Variants in PGM1 observed in about 807,000 individuals in gnomAD.
PGM1 encodes the protein phosphoglucomutase-1.
A neutral mutation model predicts 55.6 loss-of-function variants in PGM1; 52 were observed. That is an observed-to-expected ratio of 0.94 (90% CI 0.75 to 1.18). The LOEUF (loss-of-function observed/expected upper bound fraction) is 1.18. Among genes scored for constraint, PGM1 ranks in the 50% most tolerant of loss-of-function variants. The probability of loss-of-function intolerance (pLI) is 0.00; values close to 1 mark genes in which losing one functional copy is unlikely to be tolerated. For missense variants in PGM1, 724 were observed against 729.3 expected (o/e 0.99, Z 0.08); for synonymous variants, 287 against 271.7 (o/e 1.06, Z -0.55).
rs201354576 is a variant in PGM1 at position 63,593,668 on chromosome 1, C to G, written c.180C>G (p.Gly60=). Residue 60 remains glycine, a synonymous_variant, in exon 1 of 11, where the codon GGC becomes GGG. Coordinates refer to ENST00000371084, the MANE Select transcript of PGM1 (RefSeq NM_002633.3). Reference sequence around the variant, plus strand: ...GGCAGGAGGCCACGCTGGTGGTGGGCGGGGACGGCCGGTTCTACATGAAGG... The same window carrying G: ...GGCAGGAGGCCACGCTGGTGGTGGGGGGGGACGGCCGGTTCTACATGAAGG... ...AQRQEATLVV[G]GDGRFYMKEA... The G allele has an allele frequency of 6.2e-7, 1 of 1,605,932 alleles. No individual in the cohort carries two copies. Among genetic ancestry groups the G allele is most frequent in the East Asian group, 2.2e-5 (1 of 44,510 alleles).
chr1:63,633,755 C>T (rs1317479545), intron 4 of PGM1, among the ~76,000 whole-genome samples: 1 of 150,658 alleles, frequency 6.6e-6, no homozygotes, highest in Non-Finnish European at 1.5e-5. Flanking sequence ...GTAACCTCCG[C>T]CTCCGAAGTT....
At chr1:63,653,525 A>G (rs1365065728) in intron 9 of PGM1, among the ~76,000 whole-genome samples, 4 of 152,316 alleles carry the variant, frequency 2.6e-5, no homozygotes, top group Admixed American at 1.3e-4. Context: ...CTTTGGTGTT[A>G]TGCAAGGTTC....
At chr1:63,648,719 C>T (rs572623335) in intron 8 of PGM1, 67 bp downstream of exon 8, 5 of 1,527,326 alleles carry the variant, frequency 3.3e-6, no homozygotes, top group Non-Finnish European at 4.5e-6. Context: ...TCTTGCGCAT[C>T]CACAGCCTCT....
rs760685329 is a variant in PGM1, at chr1:63,654,373, C to T, written c.1506C>T (p.Phe502=). 1.2e-6 allele frequency: 2 copies of T among 1,614,032 alleles called. No individual in the cohort carries two copies. Among genetic ancestry groups the T allele is most frequent in the South Asian group, 1.1e-5 (1 of 91,070 alleles). ...TCACAGATGGTTCTCGAATCGTCTT[C>T]CGACTGAGCGGCACTGGGAGTGCCG... ...LIFTDGSRIV[F]RLSGTGSAGA... The change falls in exon 10 of 11, where the codon TTC becomes TTT. Residue 502 remains phenylalanine, a synonymous_variant. Transcript: ENST00000371084.
At chr1:63,594,683 T>C (rs1647988986) in intron 1 of PGM1, among the ~76,000 whole-genome samples, 1 of 150,584 alleles carries the variant, frequency 6.6e-6, no homozygotes, top group Non-Finnish European at 1.5e-5. Context: ...GGCTCACGCC[T>C]GTAATCCCAG....
chr1:63,658,708 C>T (rs1650032926), intron 10 of PGM1, among the ~76,000 whole-genome samples: 1 of 148,548 alleles, frequency 6.7e-6, no homozygotes, highest in Non-Finnish European at 1.5e-5. Flanking sequence ...GCCAAGATCG[C>T]AGCATTGCAC....
At position 63,593,917 on chromosome 1, in the gene PGM1, G is replaced by A. The variant is rs1206645252; in HGVS notation, c.246+183G>A. 5.6e-6 allele frequency: 7 copies of A among 1,242,216 alleles called. 1 individual carries two copies. In the South Asian group the frequency reaches 2.0e-4, roughly 36 times the overall value. The allele number at this position is 1,242,216 out of a possible 1,614,324, so 76.9% of individuals were successfully genotyped here. ...CTGGAGGCCCGACGGAGGTCGCCGG[G>A]CTGGGGAAAGTGGCCACGGGACCCG... On this transcript the variant is annotated intron_variant, in intron 1 of 10. Coordinates refer to ENST00000371084, the MANE Select transcript of PGM1 (RefSeq NM_002633.3).
chr1:63,633,876 GTGTGTGTGTGTGT>G (rs1557433482), intron 4 of PGM1, among the ~76,000 whole-genome samples: 67 of 23,096 alleles, frequency 2.9e-3, no homozygotes, highest in Admixed American at 4.3e-3. Flanking sequence ...CTGTGTGTGT[GTGTGTGTGTGTGT>G]GTGTGTGTGT....
In PGM1 at chr1:63,605,977, A is replaced by C. The variant is rs538110085; in HGVS notation, c.246+12243A>C. ...GTTGTCATCTCAACTCTGTGATGGC[A>C]CAAATTCCTGGACTTGGACGGTATC... On this transcript the variant is annotated intron_variant, in intron 1 of 10. Transcript: ENST00000371084. Among the ~76,000 whole-genome samples the C allele has an allele frequency of 2.0e-5, 3 of 152,362 alleles. No individual in the cohort carries two copies. The South Asian group carries it at 6.2e-4, about 32-fold the overall frequency.
In PGM1 at chr1:63,594,716, T is replaced by C. The variant is rs112384074; in HGVS notation, c.246+982T>C. 2.4e-3 allele frequency among the ~76,000 whole-genome samples: 353 copies of C among 144,534 alleles called. 2 individuals are homozygous for C. Among genetic ancestry groups the C allele is most frequent in the African/African-American group, 8.8e-3 (339 of 38,626 alleles). 94.8% of individuals were successfully genotyped at this position (144,534 alleles called of 152,430 possible). A position where few individuals can be genotyped will look rare whatever the true frequency, so the allele number is the denominator to read the frequency against. On this transcript the variant is annotated intron_variant, in intron 1 of 10. Transcript: ENST00000371084. ...CAGCACTTTGGGAGGCTGAGGGTGG[T>C]GGATCACCTGAGGTCAGGAGATCGA... is the stretch of plus-strand genomic sequence containing the variant.
intron 1 of PGM1, among the ~76,000 whole-genome samples, chr1:63,595,128 T>A (rs1648022199): frequency 6.6e-6 from 1 of 152,180 alleles, no homozygotes; most frequent in Non-Finnish European, 1.5e-5. Flanking sequence ...CTGAAATGGA[T>A]ATTTTTATTC....
At position 63,634,806 on chromosome 1, in the gene PGM1, C is replaced by T. The variant is rs114718153; in HGVS notation, c.683-23C>T. 5.0e-3 allele frequency: 7,943 copies of T among 1,597,238 alleles called. 355 individuals are homozygous for T. The African/African-American group carries it at 0.092, about 19-fold the overall frequency. The stretch of plus-strand genomic sequence containing the variant: ...GAGTTTTATTTTCTGATTCTGCATA[C>T]ATTTATTCCATGCTGTATATAGTTG... On this transcript the variant is annotated intron_variant, in intron 4 of 10. Transcript: ENST00000371084.
chr1:63,629,677 C>A, intron 2 of PGM1, 90 bp downstream of exon 2: 1 of 1,350,836 alleles, frequency 7.4e-7, no homozygotes, highest in Non-Finnish European at 1.1e-6. Context: ...GGTTTTGGTT[C>A]TGATCCTTTG....
intron 10 of PGM1, among the ~76,000 whole-genome samples, chr1:63,658,752 C>CAAA (rs35160588): frequency 8.4e-6 from 1 of 119,528 alleles, no homozygotes; most frequent in Non-Finnish European, 1.8e-5. Flanking sequence ...AACTCCATCT[C>CAAA]AAAAAAAAAA....
At chr1:63,626,896 A>G (rs1186822774) in intron 1 of PGM1, among the ~76,000 whole-genome samples, 1 of 152,092 alleles carries the variant, frequency 6.6e-6, no homozygotes, top group African/African-American at 2.4e-5. Flanking sequence ...GCCCCTGCCA[A>G]CCACCATTGT....
rs750034356 is a variant in PGM1, at chr1:63,629,947, G to A, written c.415G>A (p.Ala139Thr). 3 of 1,613,876 alleles carry A rather than the reference G, an allele frequency of 1.9e-6. No individual in the cohort carries two copies. The highest frequency in any genetic ancestry group is 2.5e-6 in the Non-Finnish European group (3 of 1,179,934). ...IKFNISNGGP[A>T]PEAITDKIFQ... The stretch of plus-strand genomic sequence containing the variant: ...GTTTGCTGTTTGGTTTCCAGGTCCT[G>A]CTCCAGAAGCAATAACTGATAAAAT... The change falls in exon 3 of 11, where the codon GCT becomes ACT. Residue 139 changes from alanine (A) to threonine (T), a missense_variant. Around this residue, in one of 3 missense-constraint regions of PGM1, gnomAD observed 379 missense variants for 357.5 expected, o/e 1.06. Transcript: ENST00000371084.
chr1:63,620,103 T>G (rs773442514), intron 1 of PGM1, among the ~76,000 whole-genome samples: 48 of 152,238 alleles, frequency 3.2e-4, no homozygotes, highest in Admixed American at 1.6e-3. Context: ...ACTTCAGAGC[T>G]ATCCCCATTT....
At chr1:63,647,256 TTACATATATATATATATATA>T (rs1444457552) in intron 7 of PGM1, among the ~76,000 whole-genome samples, 53 of 51,604 alleles carry the variant, frequency 1.0e-3, no homozygotes, top group African/African-American at 1.8e-3. Flanking sequence ...AAATAAAATT[TTACATATATATATATATATA>T]TATATATATA....
intron 7 of PGM1, among the ~76,000 whole-genome samples, chr1:63,641,597 A>G (rs554200888): frequency 1.3e-5 from 2 of 152,318 alleles, no homozygotes; most frequent in South Asian, 4.1e-4. Flanking sequence ...TCCAGGCGAT[A>G]GGAGAGACAA....
Sources: allele counts gnomAD v4.1 joint callset (sites outside exome capture counted in the v4.1 genomes callset), GRCh38; gene constraint gnomAD v4.1.1; regional missense constraint gnomAD v4.1.1; transcripts MANE v1.5; gene names NCBI Gene and HGNC (gene_info 2026-07-23, HGNC 2026-07-21).